BRAF: variants seen among roughly 807,000 people sequenced by gnomAD.
BRAF encodes the protein B-Raf proto-oncogene, serine/threonine kinase.
BRAF carries 16 observed loss-of-function variants against 104.6 expected under a neutral mutation model. That is an observed-to-expected ratio of 0.15 (90% CI 0.10 to 0.23). The LOEUF is 0.23. Ranked by LOEUF, BRAF falls within the 10% of genes least tolerant of loss-of-function variation. BRAF has a pLI of 1.00. For synonymous variants in BRAF, 310 were observed against 341.6 expected (o/e 0.91, Z 1.02); for missense variants, 541 against 937.3 (o/e 0.58, Z 5.52).
intron 18 of BRAF, 112 bp from the exon 18 acceptor site, chr7:140,734,882 T>A: frequency 8.3e-7 from 1 of 1,211,410 alleles, no homozygotes; most frequent in Non-Finnish European, 1.1e-6. Flanking sequence ...TATAAATCTT[T>A]AAGAGTCCCA....
intron 1 of BRAF, among the ~76,000 whole-genome samples, chr7:140,873,458 C>T (rs1051891704): frequency 6.6e-6 from 1 of 152,178 alleles, no homozygotes; most frequent in African/African-American, 2.4e-5. Flanking sequence ...GCGTGAGCCA[C>T]CATGCCCAGC....
intron 3 of BRAF, among the ~76,000 whole-genome samples, chr7:140,825,506 T>C (rs1332403490): frequency 6.6e-6 from 1 of 152,192 alleles, no homozygotes; most frequent in African/African-American, 2.4e-5. Context: ...TCACAAAAAT[T>C]TTCTGTAGTG....
chr7:140,924,822 C>T lies in BRAF; in HGVS notation c.-119G>A. ...GCGGAGGAGCGGGGGGCGCGGGGGG[C>T]GCGGGGAGGAGCGGCCCGGGCGGCG... On this transcript the variant is annotated 5_prime_UTR_variant, in exon 1 of 20. Transcript: ENST00000644969. The surrounding 1 kb of genome is among the most constrained non-coding windows in gnomAD (Gnocchi z 4.2). 5.4e-6 allele frequency: 2 copies of T among 367,760 alleles called. No individual in the cohort carries two copies. Among genetic ancestry groups the T allele is most frequent in the Non-Finnish European group, 4.8e-6 (1 of 208,580 alleles). 22.8% of individuals were successfully genotyped at this position (367,760 alleles called of 1,614,324 possible).
chr7:140,897,153 T>C (rs1402666226), intron 1 of BRAF, among the ~76,000 whole-genome samples: 3 of 152,072 alleles, frequency 2.0e-5, no homozygotes, highest in African/African-American at 7.2e-5. Flanking sequence ...GAGCATATGT[T>C]TGCCGCAAAT....
chr7:140,846,717 G>T (rs1808585687), intron 2 of BRAF, among the ~76,000 whole-genome samples: 1 of 152,090 alleles, frequency 6.6e-6, no homozygotes, highest in African/African-American at 2.4e-5. Context: ...AAAGTGTAAA[G>T]GAATCTTAAA....
chr7:140,754,004 G>A (rs991836461), intron 15 of BRAF, 183 bp downstream of exon 14: 17 of 645,734 alleles, frequency 2.6e-5, no homozygotes, highest in South Asian at 5.6e-5. Flanking sequence ...TTCAGTTGTC[G>A]AGAAACCAAA....
intron 1 of BRAF, among the ~76,000 whole-genome samples, chr7:140,878,842 C>T (rs1812550042): frequency 1.3e-5 from 2 of 152,084 alleles, no homozygotes; most frequent in Admixed American, 6.6e-5. Flanking sequence ...AAATATCACA[C>T]GTACCCCAGA....
At chr7:140,918,205 TGGTATA>T (rs1817825449) in intron 1 of BRAF, among the ~76,000 whole-genome samples, 1 of 152,232 alleles carries the variant, frequency 6.6e-6, no homozygotes, top group Non-Finnish European at 1.5e-5. Context: ...TCAATAGTTA[TGGTATA>T]GGGCAGCACT....
At chr7:140,781,481 G>C in intron 12 of BRAF, 95 bp downstream of exon 11, 1 of 1,185,590 alleles carries the variant, frequency 8.4e-7, no homozygotes. Flanking sequence ...GATGCGAACA[G>C]TGAATATTTC....
At chr7:140,769,216 A>T (rs982234751) in intron 14 of BRAF, among the ~76,000 whole-genome samples, 5 of 151,962 alleles carry the variant, frequency 3.3e-5, no homozygotes, top group Non-Finnish European at 5.9e-5. Flanking sequence ...AATTGGGATT[A>T]CAGGCACCGG....
At chr7:140,713,515 AT>A in the BRAF span, among the ~76,000 whole-genome samples, 1 of 151,096 alleles carries the variant, frequency 6.6e-6, no homozygotes, top group Admixed American at 6.6e-5. Flanking sequence ...CATTCATCTA[AT>A]TTTTTTTCAA....
At chr7:140,872,125 G>A (rs1811662522) in intron 1 of BRAF, among the ~76,000 whole-genome samples, 1 of 152,138 alleles carries the variant, frequency 6.6e-6, no homozygotes, top group South Asian at 2.1e-4. Flanking sequence ...TGAAGCAGGA[G>A]AATCATTTGA....
intron 1 of BRAF, among the ~76,000 whole-genome samples, chr7:140,916,670 T>G (rs936398776): frequency 2.0e-5 from 3 of 152,214 alleles, no homozygotes; most frequent in African/African-American, 2.4e-5. Context: ...GAAATTAATT[T>G]TGGTTGCAAC....
At chr7:140,913,582 A>G (rs1817256978) in intron 1 of BRAF, among the ~76,000 whole-genome samples, 1 of 133,774 alleles carries the variant, frequency 7.5e-6, no homozygotes, top group Admixed American at 9.4e-5. Context: ...TCCCTGATTG[A>G]AGCGATTCTC....
At chr7:140,842,815 T>G (rs952064136) in intron 2 of BRAF, among the ~76,000 whole-genome samples, 1 of 152,172 alleles carries the variant, frequency 6.6e-6, no homozygotes, top group Admixed American at 6.5e-5. Flanking sequence ...AGGGAATCAA[T>G]AGAATGTTAA....
chr7:140,720,234 A>AT lies in BRAF; in HGVS notation c.*6259dup. 9.4e-7 allele frequency: 1 copy of AT among 1,062,828 alleles called. No homozygotes were observed. Among genetic ancestry groups the AT allele is most frequent in the Non-Finnish European group, 1.1e-6 (1 of 877,730 alleles). 65.8% of individuals were successfully genotyped at this position (1,062,828 alleles called of 1,614,324 possible). Reference sequence around the variant, plus strand: ...CAACAAATGAGATTACCACAAATACATATCACTGTGATACAGTCCTCAAAA... The same window carrying AT: ...CAACAAATGAGATTACCACAAATACATTATCACTGTGATACAGTCCTCAAAA... On this transcript the variant is annotated 3_prime_UTR_variant, in exon 20 of 20. Transcript: ENST00000644969.
downstream of BRAF, among the ~76,000 whole-genome samples, chr7:140,715,644 C>CA (rs1349133383): frequency 1.2e-4 from 19 of 152,238 alleles, no homozygotes; most frequent in African/African-American, 4.3e-4. Context: ...ACATGTGGGC[C>CA]ATGGAGGGAA....
At chr7:140,768,155 TTAA>T (rs1419367335) in intron 14 of BRAF, among the ~76,000 whole-genome samples, 3 of 152,216 alleles carry the variant, frequency 2.0e-5, no homozygotes, top group African/African-American at 4.8e-5. Context: ...CATCAAAATA[TTAA>T]TGACAGTTAT....
chr7:140,839,258 C>T (rs1342906803), intron 2 of BRAF, among the ~76,000 whole-genome samples: 2 of 151,976 alleles, frequency 1.3e-5, no homozygotes, highest in Non-Finnish European at 2.9e-5. Flanking sequence ...GAGGATCACT[C>T]GAGGCCAGGA....
Sources: allele counts gnomAD v4.1 joint callset (sites outside exome capture counted in the v4.1 genomes callset), GRCh38; gene constraint gnomAD v4.1.1; non-coding constraint Gnocchi (gnomAD v3.1); transcripts MANE v1.5; gene names NCBI Gene and HGNC (gene_info 2026-07-23, HGNC 2026-07-21).